The following OCIAD1 variants were observed in gnomAD, a reference collection of about 807,000 sequenced individuals.
OCIAD1 encodes OCIA domain-containing protein 1.
OCIAD1 carries 29 observed loss-of-function variants against 38.9 expected under a neutral mutation model. The observed-to-expected ratio is 0.74, with a 90% CI of 0.55 to 1.02. OCIAD1 has a LOEUF of 1.02. Ranked by LOEUF, OCIAD1 falls within the 50% of genes least tolerant of loss-of-function variation. The pLI, the probability that OCIAD1 is intolerant of heterozygous loss-of-function variation, is 0.00. For synonymous variants in OCIAD1, 110 were observed against 92.0 expected, an observed-to-expected ratio of 1.20 and a Z score of -1.12; for missense variants, 288 against 289.6, an observed-to-expected ratio of 0.99 and a Z score of 0.04.
At chr4:48,823,201 T>C (rs1263818087) in intron 1 of OCIAD1, among the ~76,000 whole-genome samples, 2 of 152,228 alleles carry the variant, frequency 1.3e-5, no homozygotes, top group Non-Finnish European at 2.9e-5. Flanking sequence ...CATGGAATAC[T>C]ATGGAGCCAT....
chr4:48,851,542 C>T (rs945862766), intron 6 of OCIAD1, among the ~76,000 whole-genome samples: 8 of 151,828 alleles, frequency 5.3e-5, no homozygotes, highest in African/African-American at 1.5e-4. Flanking sequence ...CAAGTGGTGG[C>T]GCATGCCTGT....
chr4:48,823,963 G>A (rs1170387115), intron 1 of OCIAD1, among the ~76,000 whole-genome samples: 3 of 143,574 alleles, frequency 2.1e-5, no homozygotes, highest in Admixed American at 7.2e-5. Flanking sequence ...CACTACACCT[G>A]GCTTTCTTTG....
chr4:48,835,535 T>G (rs1579056456), intron 3 of OCIAD1, among the ~76,000 whole-genome samples: 2 of 152,288 alleles, frequency 1.3e-5, no homozygotes, highest in East Asian at 3.9e-4. Context: ...CTTTAACAAC[T>G]TTATAATAGT....
At chr4:48,849,818 A>G (rs1168935215) in intron 5 of OCIAD1, 129 bp from the exon 6 acceptor site, 4 of 708,316 alleles carry the variant, frequency 5.6e-6, no homozygotes, top group Non-Finnish European at 9.3e-6. Flanking sequence ...CCATTATTTC[A>G]GGAAATCTCA....
At position 48,850,074 on chromosome 4, in the gene OCIAD1, A is replaced by T; in HGVS notation, c.369A>T (p.Ser123=). The T allele has an allele frequency of 6.2e-7, 1 of 1,611,700 alleles. No individual in the cohort carries two copies. ...ALRSGQARRS[S]PPGHYYQKSK... is the part of the protein sequence containing the mutation. ...GATCAGGACAAGCACGACGATCTTC[A>T]CCACCTGGGTAGGCCAGATTCTGAT... The change falls in exon 6 of 9, where the codon TCA becomes TCT. Residue 123 remains serine, a synonymous_variant. Transcript: ENST00000264312.
At chr4:48,856,941 A>G (rs1248847554) in intron 7 of OCIAD1, 3 of 196,280 alleles carry the variant, frequency 1.5e-5, no homozygotes, top group Non-Finnish European at 3.1e-5. Context: ...ATATTATGAT[A>G]CATATTTTTC....
chr4:48,849,861 C>T (rs1779273744), intron 5 of OCIAD1, 86 bp from the exon 6 acceptor site: 1 of 1,150,856 alleles, frequency 8.7e-7, no homozygotes, highest in South Asian at 1.5e-5. Context: ...TTTAGAATCA[C>T]ACTTTAAAAC....
intron 1 of OCIAD1, among the ~76,000 whole-genome samples, chr4:48,809,430 C>T (rs760499206): frequency 7.9e-5 from 12 of 152,050 alleles, no homozygotes; most frequent in Non-Finnish European, 1.3e-4. Context: ...GAGGCTGAGG[C>T]AGGGAGTACT....
intron 6 of OCIAD1, among the ~76,000 whole-genome samples, chr4:48,851,421 CTCA>C (rs1779450785): frequency 6.6e-6 from 1 of 152,212 alleles, no homozygotes; most frequent in Non-Finnish European, 1.5e-5. Context: ...GACGCGGTGG[CTCA>C]TGCCAGTAAT....
chr4:48,806,607 C>CT lies in OCIAD1; in HGVS notation c.-103+1286dup, dbSNP rs201578393. ...CACTGCCCTTGCCCTTTTAAATTAA[C>CT]TTTTTTTTTCTTTTTTTGACATGGA... is the stretch of plus-strand genomic sequence containing the variant. On this transcript the variant is annotated intron_variant, in intron 1 of 6. Coordinates refer to the OCIAD1 transcript ENST00000504654. 5.0e-3 allele frequency among the ~76,000 whole-genome samples: 757 copies of CT among 151,694 alleles called. 4 individuals are homozygous for CT. Among genetic ancestry groups the CT allele is most frequent in the African/African-American group, 0.017 (704 of 41,386 alleles).
rs773116024 is a variant in OCIAD1, at chr4:48,848,396, T to C, written c.194-3T>C. The C allele has an allele frequency of 7.0e-7, 1 of 1,429,648 alleles. No homozygotes were observed. Among genetic ancestry groups the C allele is most frequent in the South Asian group, 1.2e-5 (1 of 85,000 alleles). 88.6% of individuals were successfully genotyped at this position (1,429,648 alleles called of 1,614,324 possible). On this transcript the variant is annotated splice_polypyrimidine_tract_variant and splice_region_variant and intron_variant, in intron 4 of 8. Transcript: ENST00000264312. The stretch of plus-strand genomic sequence containing the variant: ...CTCAGAAATACTTAACTCTTTTCTT[T>C]AGGAATACTTTCAAGTCATCCCAAA...
rs758491141 is a variant in OCIAD1 at position 48,849,900 on chromosome 4, C to A, written c.242-47C>A. ...TTTTTCTTTTAGAAAATACTTTTGT[C>A]TGAAAGGCACATTCAGTTACACTTT... On this transcript the variant is annotated intron_variant, in intron 5 of 8. Coordinates refer to ENST00000264312, the MANE Select transcript of OCIAD1 (RefSeq NM_017830.4). 5 of 1,527,172 alleles carry A rather than the reference C, an allele frequency of 3.3e-6. No individual in the cohort carries two copies. In the East Asian group the frequency reaches 1.1e-4, roughly 35 times the overall value. The allele number at this position is 1,527,172 out of a possible 1,614,324, so 94.6% of individuals were successfully genotyped here.
chr4:48,848,609 T>G, intron 5 of OCIAD1, 163 bp downstream of exon 5: 1 of 410,340 alleles, frequency 2.4e-6, no homozygotes, highest in Non-Finnish European at 4.3e-6. Flanking sequence ...TTGGATATTT[T>G]ATTGTTAGCA....
intron 1 of OCIAD1, among the ~76,000 whole-genome samples, chr4:48,820,428 T>G (rs1251224606): frequency 6.6e-6 from 1 of 152,128 alleles, no homozygotes; most frequent in Non-Finnish European, 1.5e-5. Flanking sequence ...TTATAGCACT[T>G]AATGCCCACA....
At chr4:48,837,453 C>G (rs1304945353) in intron 3 of OCIAD1, among the ~76,000 whole-genome samples, 1 of 151,708 alleles carries the variant, frequency 6.6e-6, no homozygotes, top group East Asian at 1.9e-4. Flanking sequence ...CCACCATGCT[C>G]AGCTAATTTT....
At chr4:48,832,929 A>C (rs1157741928) in intron 2 of OCIAD1, among the ~76,000 whole-genome samples, 1 of 152,146 alleles carries the variant, frequency 6.6e-6, no homozygotes, top group African/African-American at 2.4e-5. Flanking sequence ...TAGTAGCATT[A>C]ATTCTATTTG....
At chr4:48,835,154 G>A (rs1356256118) in intron 3 of OCIAD1, among the ~76,000 whole-genome samples, 1 of 152,038 alleles carries the variant, frequency 6.6e-6, no homozygotes, top group Non-Finnish European at 1.5e-5. Context: ...GGCTGATCTC[G>A]AACTCCTGAC....
intron 4 of OCIAD1, 36 bp from the exon 5 acceptor site, chr4:48,848,363 C>T (rs751155726): frequency 9.9e-7 from 1 of 1,009,212 alleles, no homozygotes; most frequent in Non-Finnish European, 1.5e-6. Context: ...CTTTCTGTAA[C>T]AGTGTTACTC....
intron 1 of OCIAD1, among the ~76,000 whole-genome samples, chr4:48,832,408 C>G (rs1000826100): frequency 6.6e-6 from 1 of 152,144 alleles, no homozygotes; most frequent in Non-Finnish European, 1.5e-5. Flanking sequence ...AGGGACTTAA[C>G]CTGAATAGTG....
Sources: allele counts gnomAD v4.1 joint callset (sites outside exome capture counted in the v4.1 genomes callset), GRCh38; gene constraint gnomAD v4.1.1; transcripts MANE v1.5; gene names NCBI Gene and HGNC (gene_info 2026-07-23, HGNC 2026-07-21).